Variants in LETM1 observed in about 807,000 individuals in gnomAD.
LETM1 encodes leucine zipper and EF-hand containing transmembrane protein 1, also known as mitochondrial proton/calcium exchanger protein.
LETM1 carries 50 observed loss-of-function variants against 74.5 expected under a neutral mutation model. The observed-to-expected ratio is 0.67, with a 90% CI of 0.53 to 0.85. LETM1 has a LOEUF of 0.85. Among genes scored for constraint, LETM1 ranks in the 40% least tolerant of loss-of-function variants. LETM1 has a pLI of 0.00. For missense variants in LETM1, 824 were observed against 967.8 expected (o/e 0.85, Z 1.97); for synonymous variants, 446 against 407.1 (o/e 1.10, Z -1.15).
At chr4:1,838,636 C>T (rs1311677398) in intron 3 of LETM1, among the ~76,000 whole-genome samples, 2 of 152,164 alleles carry the variant, frequency 1.3e-5, no homozygotes, top group African/African-American at 4.8e-5. Context: ...CATGAGGTTG[C>T]AACTGCACTC....
chr4:1,832,937 G>A lies in LETM1; in HGVS notation c.887C>T (p.Thr296Ile), dbSNP rs372497025. 1.9e-6 allele frequency: 3 copies of A among 1,612,020 alleles called. No individual in the cohort carries two copies. In the African/African-American group the frequency reaches 4.0e-5, roughly 22 times the overall value. The change falls in exon 6 of 14, where the codon ACA (threonine) becomes ATA (isoleucine). Residue 296 changes from threonine (T) to isoleucine (I), a missense_variant. By Grantham distance (89) the Thr-to-Ile change is moderately conservative (BLOSUM62 -1). This residue lies in a region of LETM1 where 269 missense variants were observed against 348.8 expected (regional missense o/e 0.77). Transcript: ENST00000302787. ...TTCCTCATTGCTGGGCCTCTCCCCT[G>A]TTTCCCGGATCTGCGGAAGTGGTCA... ...FSVFFQKIRE[T>I]GERPSNEEIM...
chr4:1,830,458 G>A (rs1712225927), intron 6 of LETM1, among the ~76,000 whole-genome samples: 2 of 152,148 alleles, frequency 1.3e-5, no homozygotes, highest in Admixed American at 6.5e-5. Flanking sequence ...AGCCTCCTGA[G>A]TAGCTGGAGC....
At chr4:1,854,845 T>C (rs1177766109) in intron 1 of LETM1, among the ~76,000 whole-genome samples, 2 of 151,768 alleles carry the variant, frequency 1.3e-5, no homozygotes, top group Non-Finnish European at 2.9e-5. Flanking sequence ...GAGGATACAT[T>C]CAGGGCAACT....
chr4:1,853,281 C>G (rs1713131290), intron 1 of LETM1, among the ~76,000 whole-genome samples: 1 of 152,244 alleles, frequency 6.6e-6, no homozygotes, highest in African/African-American at 2.4e-5. Flanking sequence ...AGCCCTGCTT[C>G]TGCTCGTAAA....
At chr4:1,816,034 C>T (rs559244827) in intron 12 of LETM1, among the ~76,000 whole-genome samples, 1 of 152,404 alleles carries the variant, frequency 6.6e-6, no homozygotes, top group East Asian at 1.9e-4. Flanking sequence ...AGGGTTTCCA[C>T]GGGCATGTCT....
rs1712395465 is a variant in LETM1 at position 1,834,524 on chromosome 4, C to G, written c.876+321G>C. 9.0e-7 allele frequency: 1 copy of G among 1,109,722 alleles called. No individual in the cohort carries two copies. Among genetic ancestry groups the G allele is most frequent in the East Asian group, 6.7e-5 (1 of 14,882 alleles). 68.7% of individuals were successfully genotyped at this position (1,109,722 alleles called of 1,614,324 possible). On this transcript the variant is annotated intron_variant, in intron 5 of 13. Coordinates refer to ENST00000302787, the MANE Select transcript of LETM1 (RefSeq NM_012318.3). The surrounding 1 kb of genome is among the most constrained non-coding windows in gnomAD (Gnocchi z 5.0). ...GCCCAGCAGAGGAGCCCGGCCAAGC[C>G]ACCCACACCTCACACCATCAGGGTC...
intron 2 of LETM1, among the ~76,000 whole-genome samples, chr4:1,844,815 A>G (rs1159573551): frequency 6.7e-6 from 1 of 148,996 alleles, no homozygotes; most frequent in Non-Finnish European, 1.5e-5. Context: ...CACGAGGCCA[A>G]GGCAGGAGCG....
chr4:1,851,203 A>G lies in LETM1; in HGVS notation c.83-1994T>C, dbSNP rs533635758. Among the ~76,000 whole-genome samples the G allele has an allele frequency of 2.0e-5, 3 of 152,322 alleles. No homozygotes were observed. The South Asian group carries it at 6.2e-4, about 32-fold the overall frequency. The stretch of plus-strand genomic sequence containing the variant: ...AGAGGCACCAGCCCACGGAGGTGCC[A>G]GGCCAGGCTGTGCAGAGGCTAGGCG... On this transcript the variant is annotated intron_variant, in intron 1 of 13. Coordinates refer to ENST00000302787, the MANE Select transcript of LETM1 (RefSeq NM_012318.3).
rs755848226 is a variant in LETM1 at position 1,834,808 on chromosome 4, C to T, written c.876+37G>A. 4.5e-5 allele frequency: 73 copies of T among 1,610,396 alleles called. No individual in the cohort carries two copies. Among genetic ancestry groups the T allele is most frequent in the Non-Finnish European group, 5.7e-5 (67 of 1,177,430 alleles). On this transcript the variant is annotated intron_variant, in intron 5 of 13. Coordinates refer to ENST00000302787, the MANE Select transcript of LETM1 (RefSeq NM_012318.3). This position sits in a 1 kb window ranked among gnomAD's most constrained non-coding sequence, Gnocchi z 5.0. ...GAAACAGAAAATCAGGGAAGGCTCC[C>T]TGGTGAGGTCACAGGGACTCAGACG...
chr4:1,855,701 G>A (rs1713216979), intron 1 of LETM1, among the ~76,000 whole-genome samples, 168 bp downstream of exon 1: 1 of 152,086 alleles, frequency 6.6e-6, no homozygotes, highest in African/African-American at 2.4e-5. Flanking sequence ...GGCGCTGGCG[G>A]CCCAGCCCGC....
chr4:1,853,935 T>C (rs368180747), intron 1 of LETM1, among the ~76,000 whole-genome samples: 17 of 152,306 alleles, frequency 1.1e-4, no homozygotes, highest in South Asian at 6.2e-4. Flanking sequence ...CAGAAGACAT[T>C]TGTGTTCCTG....
chr4:1,838,661 G>A (rs934213824), intron 3 of LETM1, among the ~76,000 whole-genome samples: 8 of 152,182 alleles, frequency 5.3e-5, no homozygotes, highest in Admixed American at 3.9e-4. Flanking sequence ...CTGGGTGGGG[G>A]AGCGAGAACC....
intron 10 of LETM1, among the ~76,000 whole-genome samples, chr4:1,821,195 C>A (rs1225752098): frequency 6.6e-6 from 1 of 151,342 alleles, no homozygotes; most frequent in African/African-American, 2.4e-5. Context: ...CAGGTTCACA[C>A]CATTCTCCTG....
rs1465896665 is a variant in LETM1 at position 1,841,327 on chromosome 4, A to G, written c.594+20T>C. On this transcript the variant is annotated intron_variant, in intron 3 of 13. Coordinates refer to ENST00000302787, the MANE Select transcript of LETM1 (RefSeq NM_012318.3). ...GATAGAGCAAGAAAGAAAAGAAAGGACTAGACATGTCCCCATTACCTGCCT... is the reference window on the plus strand; with the variant it reads ...GATAGAGCAAGAAAGAAAAGAAAGGGCTAGACATGTCCCCATTACCTGCCT... 6.2e-7 allele frequency: 1 copy of G among 1,604,292 alleles called. No homozygotes were observed. Among genetic ancestry groups the G allele is most frequent in the Admixed American group, 1.7e-5 (1 of 59,766 alleles).
At position 1,841,651 on chromosome 4, in the gene LETM1, G is replaced by T; in HGVS notation, c.290C>A (p.Ala97Asp). ...PWTSTSVGFV[A>D]VGPQCLPVRG... ...CACAGGAAGGCACTGAGGTCCCACA[G>T]CCACAAAACCCACAGAGGTAGAGGT... The change falls in exon 3 of 14, where the codon GCT (alanine) becomes GAT (aspartate). Residue 97 changes from alanine to aspartate, a missense_variant. Ala to Asp is a moderately radical substitution (Grantham distance 126, BLOSUM62 -2). Transcript: ENST00000302787. 3.1e-6 allele frequency: 5 copies of T among 1,614,228 alleles called. No homozygotes were observed. Among genetic ancestry groups the T allele is most frequent in the Non-Finnish European group, 4.2e-6 (5 of 1,180,036 alleles).
intron 1 of LETM1, among the ~76,000 whole-genome samples, chr4:1,852,919 G>C (rs571723508): frequency 6.6e-6 from 1 of 152,206 alleles, no homozygotes; most frequent in African/African-American, 2.4e-5. Context: ...CTCAGTGCTG[G>C]TGCCAGGATC....
intron 5 of LETM1, chr4:1,833,191 C>T: frequency 2.0e-6 from 1 of 508,122 alleles, no homozygotes; most frequent in Admixed American, 3.3e-5. Flanking sequence ...CCTGCCTTAG[C>T]CTCCCGAGTA....
rs1310498164 is a variant in LETM1, at chr4:1,823,069, C to G, written c.1395G>C (p.Lys465Asn). The change falls in exon 9 of 14, where the codon AAG becomes AAC. Residue 465 changes from lysine (K) to asparagine (N), a missense_variant. Transcript: ENST00000302787. ...CCTCCTCCTGCAGCGTGGCCTCCAG[C>G]TTGGCCTTGTTGTCCACCTGCTCGC... ...VEGEQVDNKA[K>N]LEATLQEEAA... 1 of 1,610,664 alleles carries G rather than the reference C, an allele frequency of 6.2e-7. No individual in the cohort carries two copies. Among genetic ancestry groups the G allele is most frequent in the South Asian group, 1.1e-5 (1 of 90,764 alleles).
chr4:1,843,754 C>T (rs1302110444), intron 2 of LETM1, among the ~76,000 whole-genome samples: 2 of 152,180 alleles, frequency 1.3e-5, no homozygotes, highest in Admixed American at 6.5e-5. Context: ...GGCCCAGCCC[C>T]AGCCACCATG....
Sources: gnomAD v4.1 joint callset for allele counts (sites outside exome capture counted in the v4.1 genomes callset) on GRCh38, gnomAD v4.1.1 for gene constraint, gnomAD v4.1.1 regional missense constraint, Gnocchi (gnomAD v3.1) non-coding constraint, MANE v1.5 for transcripts, NCBI Gene and HGNC (gene_info 2026-07-23, HGNC 2026-07-21) for gene names.